STXBP5L: variants seen among roughly 807,000 people sequenced by gnomAD.
STXBP5L encodes the protein syntaxin-binding protein 5-like.
STXBP5L carries 65 observed loss-of-function variants against 144.5 expected under a neutral mutation model. The ratio of observed to expected loss-of-function variants is 0.45; its 90% confidence interval spans 0.37 to 0.55. The LOEUF (loss-of-function observed/expected upper bound fraction) is 0.55, where lower values mean the gene tolerates loss of function less well. Among genes scored for constraint, STXBP5L ranks in the 20% least tolerant of loss-of-function variants. STXBP5L has a pLI of 0.00. For synonymous variants in STXBP5L, 505 were observed against 469.6 expected (o/e 1.08, Z -0.97); for missense variants, 1,298 against 1,405.5 (o/e 0.92, Z 1.22).
intron 18 of STXBP5L, among the ~76,000 whole-genome samples, chr3:121,274,523 G>T (rs909115235): frequency 1.2e-4 from 18 of 152,192 alleles, no homozygotes; most frequent in African/African-American, 4.3e-4. Context: ...AGTCTGATGT[G>T]CTGGCACACA....
intron 3 of STXBP5L, among the ~76,000 whole-genome samples, chr3:121,009,762 CTCT>C (rs1221166584): frequency 2.0e-5 from 3 of 151,818 alleles, no homozygotes; most frequent in Non-Finnish European, 2.9e-5. Context: ...ATTGTGCCAA[CTCT>C]TCTTATTTGG....
intron 6 of STXBP5L, among the ~76,000 whole-genome samples, chr3:121,120,332 T>C (rs2044402963): frequency 6.6e-6 from 1 of 151,290 alleles, no homozygotes; most frequent in East Asian, 1.9e-4. Flanking sequence ...AATGATATGT[T>C]ACATATAAAT....
intron 3 of STXBP5L, among the ~76,000 whole-genome samples, chr3:120,965,835 T>G (rs1319697194): frequency 6.6e-6 from 1 of 152,214 alleles, no homozygotes; most frequent in Non-Finnish European, 1.5e-5. Flanking sequence ...CTTGCTAGGT[T>G]GGGGAAATTC....
intron 3 of STXBP5L, among the ~76,000 whole-genome samples, chr3:120,991,237 T>C (rs577134716): frequency 2.6e-5 from 4 of 151,736 alleles, no homozygotes; most frequent in South Asian, 2.1e-4. Context: ...AAAATGCTCA[T>C]CATCACTGGC....
At chr3:121,007,944 G>T (rs1301565575) in intron 3 of STXBP5L, among the ~76,000 whole-genome samples, 4 of 151,738 alleles carry the variant, frequency 2.6e-5, no homozygotes, top group Admixed American at 2.6e-4. Context: ...AATTTATAAT[G>T]GGAGAGTTAG....
At chr3:120,949,214 T>C (rs960172253) in intron 2 of STXBP5L, among the ~76,000 whole-genome samples, 27 of 151,896 alleles carry the variant, frequency 1.8e-4, no homozygotes, top group African/African-American at 6.5e-4. Context: ...CTTTTGAGAA[T>C]TGTCTATTCA....
At chr3:120,968,730 C>T (rs2107782771) in intron 3 of STXBP5L, among the ~76,000 whole-genome samples, 1 of 152,202 alleles carries the variant, frequency 6.6e-6, no homozygotes, top group South Asian at 2.1e-4. Flanking sequence ...TTCTGAGTAT[C>T]CAAAGTCCAT....
At chr3:121,212,180 T>A (rs1047998043) in intron 10 of STXBP5L, among the ~76,000 whole-genome samples, 7 of 152,222 alleles carry the variant, frequency 4.6e-5, no homozygotes, top group African/African-American at 1.7e-4. Context: ...TTCACTCTCA[T>A]GATAGTTTCT....
intron 15 of STXBP5L, among the ~76,000 whole-genome samples, chr3:121,251,321 T>C (rs2050018863): frequency 6.6e-6 from 1 of 152,140 alleles, no homozygotes; most frequent in Admixed American, 6.5e-5. Context: ...ATTGTAGTCA[T>C]TAGAAAAGAT....
intron 7 of STXBP5L, among the ~76,000 whole-genome samples, chr3:121,126,408 A>G (rs760215527): frequency 2.0e-4 from 31 of 152,176 alleles, no homozygotes; most frequent in Non-Finnish European, 3.8e-4. Context: ...AACCCTCAGT[A>G]TTGGATTTTT....
At chr3:120,910,606 TA>T (rs1708781238) in intron 2 of STXBP5L, among the ~76,000 whole-genome samples, 3 of 152,122 alleles carry the variant, frequency 2.0e-5, no homozygotes, top group African/African-American at 7.2e-5. Context: ...TATAGTTTTG[TA>T]AATGTGTTTG....
At chr3:121,206,359 T>G (rs1181105836) in intron 10 of STXBP5L, among the ~76,000 whole-genome samples, 1 of 152,132 alleles carries the variant, frequency 6.6e-6, no homozygotes, top group African/African-American at 2.4e-5. Flanking sequence ...CATAACCAAG[T>G]GTCTATACTT....
chr3:121,176,248 C>A (rs373365563), intron 9 of STXBP5L, among the ~76,000 whole-genome samples: 8 of 151,716 alleles, frequency 5.3e-5, no homozygotes, highest in African/African-American at 1.9e-4. Flanking sequence ...AGAATGCACA[C>A]CATTTTTTTA....
intron 14 of STXBP5L, among the ~76,000 whole-genome samples, chr3:121,245,757 A>G (rs1051425317): frequency 2.0e-5 from 3 of 152,208 alleles, no homozygotes; most frequent in Admixed American, 6.5e-5. Flanking sequence ...ACAAATATGT[A>G]TGAACATAAC....
chr3:120,975,930 G>C (rs1205721483), intron 3 of STXBP5L, among the ~76,000 whole-genome samples: 1 of 152,118 alleles, frequency 6.6e-6, no homozygotes, highest in African/African-American at 2.4e-5. Flanking sequence ...TTGATGTGCT[G>C]CTGGATTCTG....
At chr3:121,271,196 A>G (rs1395361843) in intron 18 of STXBP5L, among the ~76,000 whole-genome samples, 1 of 152,172 alleles carries the variant, frequency 6.6e-6, no homozygotes, top group African/African-American at 2.4e-5. Flanking sequence ...ACATTTATTT[A>G]CTTGTTTACT....
intron 5 of STXBP5L, among the ~76,000 whole-genome samples, chr3:121,055,945 A>T (rs1253801153): frequency 6.6e-6 from 1 of 150,448 alleles, no homozygotes; most frequent in African/African-American, 2.4e-5. Flanking sequence ...CTCCCACCTT[A>T]GCCTCCCAAA....
intron 3 of STXBP5L, among the ~76,000 whole-genome samples, chr3:121,010,595 G>A (rs1944699998): frequency 1.3e-5 from 2 of 151,678 alleles, no homozygotes; most frequent in Non-Finnish European, 2.9e-5. Context: ...CTGCCACACC[G>A]TCAAAAGCCT....
chr3:121,031,548 C>G (rs1946371619), intron 3 of STXBP5L, among the ~76,000 whole-genome samples: 1 of 152,000 alleles, frequency 6.6e-6, no homozygotes, highest in Non-Finnish European at 1.5e-5. Context: ...TAAAGGCAGT[C>G]TGGAGTCAGA....
Sources: allele counts gnomAD v4.1 joint callset (sites outside exome capture counted in the v4.1 genomes callset), GRCh38; gene constraint gnomAD v4.1.1; transcripts MANE v1.5; gene names NCBI Gene and HGNC (gene_info 2026-07-23, HGNC 2026-07-21).